Variants in HMG20A observed in about 807,000 individuals in gnomAD.
HMG20A encodes the protein high mobility group protein 20A.
In HMG20A, 17 loss-of-function variants were observed where a neutral mutation model predicts 43.9. The ratio of observed to expected loss-of-function variants is 0.39; its 90% CI spans 0.27 to 0.58. HMG20A has a LOEUF of 0.58. HMG20A is among the 20% of genes least tolerant of loss of function. HMG20A has a pLI of 0.59. For synonymous variants in HMG20A, 132 were observed against 147.5 expected, an observed-to-expected ratio of 0.89 and a Z score of 0.76; for missense variants, 341 against 438.2, an observed-to-expected ratio of 0.78 and a Z score of 1.98.
chr15:77,496,749 C>A, the HMG20A span, among the ~76,000 whole-genome samples: 1 of 152,198 alleles, frequency 6.6e-6, no homozygotes, highest in Non-Finnish European at 1.5e-5. Context: ...GAGGCCTGAC[C>A]AAGCCCAAGA....
the HMG20A span, among the ~76,000 whole-genome samples, chr15:77,519,255 C>T: frequency 6.6e-6 from 1 of 152,194 alleles, no homozygotes; most frequent in African/African-American, 2.4e-5. Flanking sequence ...CAAACCCTGT[C>T]TTCTAAAAAC....
chr15:77,457,247 G>A (rs1452542651), intron 1 of HMG20A, among the ~76,000 whole-genome samples: 1 of 152,180 alleles, frequency 6.6e-6, no homozygotes, highest in Non-Finnish European at 1.5e-5. Flanking sequence ...CACCTCAGTG[G>A]AGTGATCCTG....
chr15:77,497,198 G>T, the HMG20A span, among the ~76,000 whole-genome samples: 1 of 152,196 alleles, frequency 6.6e-6, no homozygotes, highest in African/African-American at 2.4e-5. Flanking sequence ...GGCTCTAAAT[G>T]AGCCAGAAAT....
intron 1 of HMG20A, among the ~76,000 whole-genome samples, chr15:77,452,263 A>G (rs1595920588): frequency 6.6e-6 from 1 of 152,228 alleles, no homozygotes; most frequent in Non-Finnish European, 1.5e-5. Flanking sequence ...TATGCTCAAA[A>G]CCAGGCTGGG....
chr15:77,440,523 C>T (rs1157693360), intron 1 of HMG20A, among the ~76,000 whole-genome samples: 3 of 152,110 alleles, frequency 2.0e-5, no homozygotes, highest in African/African-American at 7.2e-5. Context: ...TAATAAACAA[C>T]CACAAAATCT....
the HMG20A span, among the ~76,000 whole-genome samples, chr15:77,512,870 AAGTT>A: frequency 6.6e-6 from 1 of 152,174 alleles, no homozygotes; most frequent in Non-Finnish European, 1.5e-5. Flanking sequence ...CAAGGAATAA[AAGTT>A]AGTATCTCCA....
intron 1 of HMG20A, among the ~76,000 whole-genome samples, chr15:77,434,500 G>A (rs1312344379): frequency 6.6e-6 from 1 of 152,004 alleles, no homozygotes; most frequent in Non-Finnish European, 1.5e-5. Context: ...TATTCAACAA[G>A]GGACTTGTAG....
chr15:77,428,433 C>G (rs78890260), intron 1 of HMG20A, among the ~76,000 whole-genome samples: 2,308 of 152,264 alleles, frequency 0.015, 61 homozygotes, highest in African/African-American at 0.053. Flanking sequence ...AGATTCTTAA[C>G]AGGATATTCA....
intron 1 of HMG20A, among the ~76,000 whole-genome samples, chr15:77,442,957 G>A (rs957847029): frequency 3.3e-5 from 5 of 151,550 alleles, no homozygotes; most frequent in Non-Finnish European, 7.4e-5. Flanking sequence ...TACTGCTGAA[G>A]GTTGAGTTTA....
Position 77,422,355 on chromosome 15 carries a change from C to T in HMG20A, c.-5+1351C>T, listed in dbSNP as rs544750744. Among the ~76,000 whole-genome samples, 4 of 152,286 alleles carry T rather than the reference C, an allele frequency of 2.6e-5. No individual in the cohort carries two copies. In the South Asian group the frequency reaches 8.3e-4, roughly 32 times the overall value. On this transcript the variant is annotated intron_variant, in intron 1 of 9. Transcript: ENST00000336216. The stretch of plus-strand genomic sequence containing the variant: ...GTTTTTTTAAAAAGCTGTTTGGTCA[C>T]GCCTGTAATCACAGCACTTTGGGAG...
chr15:77,459,195 C>T (rs904101614), intron 2 of HMG20A, among the ~76,000 whole-genome samples: 3 of 152,168 alleles, frequency 2.0e-5, no homozygotes, highest in Admixed American at 6.5e-5. Flanking sequence ...AATTCTGTTT[C>T]CTTCCCTCAC....
chr15:77,502,386 T>C, the HMG20A span, among the ~76,000 whole-genome samples: 1 of 152,242 alleles, frequency 6.6e-6, no homozygotes, highest in Non-Finnish European at 1.5e-5. Flanking sequence ...CACTGATCTC[T>C]GCTCCTCTCT....
At chr15:77,421,690 C>T (rs2073349553) in intron 1 of HMG20A, among the ~76,000 whole-genome samples, 1 of 152,332 alleles carries the variant, frequency 6.6e-6, no homozygotes, top group East Asian at 1.9e-4. Flanking sequence ...GAAAGTATCA[C>T]ACTGAAGTAC....
At chr15:77,459,443 A>G (rs1202531930) in intron 2 of HMG20A, among the ~76,000 whole-genome samples, 1 of 152,246 alleles carries the variant, frequency 6.6e-6, no homozygotes, top group African/African-American at 2.4e-5. Flanking sequence ...AACAGGATAA[A>G]TAAGCAAAAC....
chr15:77,446,115 AGGTGTTTTCTCAGCT>A (rs982818917), intron 1 of HMG20A, among the ~76,000 whole-genome samples: 17 of 152,266 alleles, frequency 1.1e-4, no homozygotes, highest in Admixed American at 2.6e-4. Flanking sequence ...GGTCCTTCTC[AGGTGTTTTCTCAGCT>A]GGTGTTTTCT....
chr15:77,464,338 G>GTTT lies in HMG20A; in HGVS notation c.189_190insTTT (p.Ser63_Glu64insPhe), dbSNP rs755784117. 1.9e-6 allele frequency: 3 copies of GTTT among 1,613,872 alleles called. No individual in the cohort carries two copies. Among genetic ancestry groups the GTTT allele is most frequent in the Non-Finnish European group, 8.5e-7 (1 of 1,179,842 alleles). On this transcript the variant is annotated inframe_insertion, in exon 3 of 10. Coordinates refer to ENST00000336216, the MANE Select transcript of HMG20A (RefSeq NM_001304504.2). ...CTCTCTCAAGGTCAGTTGCTTCAGAGTGAGTCTTCAAATGCAGCAGAAGGC... is the reference window on the plus strand; with the variant it reads ...CTCTCTCAAGGTCAGTTGCTTCAGAGTTTTGAGTCTTCAAATGCAGCAGAAGGC...
intron 1 of HMG20A, among the ~76,000 whole-genome samples, chr15:77,445,645 C>T (rs943628032): frequency 2.0e-5 from 3 of 152,162 alleles, no homozygotes; most frequent in Non-Finnish European, 4.4e-5. Context: ...TTCTCTTTGG[C>T]ATATCCATAC....
intron 6 of HMG20A, among the ~76,000 whole-genome samples, chr15:77,472,589 C>T (rs1160915760): frequency 2.6e-5 from 4 of 152,146 alleles, no homozygotes; most frequent in Admixed American, 2.0e-4. Flanking sequence ...TCTCAGTTCT[C>T]ACACCTCCTT....
chr15:77,514,409 C>G, the HMG20A span, among the ~76,000 whole-genome samples: 19 of 152,122 alleles, frequency 1.2e-4, no homozygotes, highest in African/African-American at 3.9e-4. Flanking sequence ...GCCAGAAAGG[C>G]ACATAAAGAA....
Sources: allele counts gnomAD v4.1 joint callset (sites outside exome capture counted in the v4.1 genomes callset), GRCh38; gene constraint gnomAD v4.1.1; transcripts MANE v1.5; gene names NCBI Gene and HGNC (gene_info 2026-07-23, HGNC 2026-07-21).